ADCY2: variants seen among roughly 807,000 people sequenced by gnomAD.
The protein encoded by ADCY2 is adenylate cyclase 2.
In ADCY2, 31 loss-of-function variants were observed where a neutral mutation model predicts 125.2. The ratio of observed to expected loss-of-function variants is 0.25; its 90% CI spans 0.19 to 0.33. The LOEUF is 0.33. ADCY2 is among the 10% of genes least tolerant of loss of function. The probability of loss-of-function intolerance (pLI) is 1.00; values close to 1 mark genes in which losing one functional copy is unlikely to be tolerated. For missense variants in ADCY2, 904 were observed against 1,418.2 expected, an observed-to-expected ratio of 0.64 and a Z score of 5.82; for synonymous variants, 512 against 548.4, an observed-to-expected ratio of 0.93 and a Z score of 0.93.
intron 7 of ADCY2, among the ~76,000 whole-genome samples, chr5:7,703,217 G>C (rs1395173787): frequency 6.6e-6 from 1 of 152,154 alleles, no homozygotes; most frequent in East Asian, 1.9e-4. Flanking sequence ...TTGCTGTGCA[G>C]AAGCTCTTTA....
chr5:7,510,980 C>T (rs1461717547), intron 2 of ADCY2, among the ~76,000 whole-genome samples: 1 of 152,222 alleles, frequency 6.6e-6, no homozygotes, highest in African/African-American at 2.4e-5. Context: ...GCACCTGACA[C>T]ATGCCCTGGA....
At chr5:7,506,618 A>G (rs191099002) in intron 2 of ADCY2, among the ~76,000 whole-genome samples, 63 of 152,210 alleles carry the variant, frequency 4.1e-4, no homozygotes, top group African/African-American at 1.5e-3. Context: ...GTCCGAGTGT[A>G]TTGTTTTATA....
At chr5:7,731,130 G>C (rs1742090469) in intron 14 of ADCY2, among the ~76,000 whole-genome samples, 1 of 151,884 alleles carries the variant, frequency 6.6e-6, no homozygotes, top group Non-Finnish European at 1.5e-5. Context: ...CCAACATTGA[G>C]ATTATAATCT....
chr5:7,493,288 G>A (rs1467735802), intron 2 of ADCY2, among the ~76,000 whole-genome samples: 1 of 152,140 alleles, frequency 6.6e-6, no homozygotes, highest in Non-Finnish European at 1.5e-5. Flanking sequence ...CCTTCCAAAA[G>A]GTTCTCAGCA....
At chr5:7,660,387 G>A (rs1739486884) in intron 4 of ADCY2, among the ~76,000 whole-genome samples, 1 of 152,104 alleles carries the variant, frequency 6.6e-6, no homozygotes, top group Non-Finnish European at 1.5e-5. Context: ...GGCAGGACAG[G>A]GTTGTTGACT....
At chr5:7,543,592 G>A (rs1485020805) in intron 3 of ADCY2, among the ~76,000 whole-genome samples, 1 of 152,242 alleles carries the variant, frequency 6.6e-6, no homozygotes, top group East Asian at 1.9e-4. Context: ...TTAGGTTGGT[G>A]CAAGAGTAAT....
intron 5 of ADCY2, chr5:7,691,877 C>A: frequency 6.3e-6 from 1 of 159,170 alleles, no homozygotes; most frequent in Non-Finnish European, 1.4e-5. Flanking sequence ...ATAATCACGG[C>A]AGAAGGTGAA....
chr5:7,739,640 C>CTT (rs151209049), intron 14 of ADCY2, among the ~76,000 whole-genome samples: 8,024 of 151,668 alleles, frequency 0.053, 559 homozygotes, highest in African/African-American at 0.16. Context: ...TTGAAAAAGA[C>CTT]TGAAAATTCC....
At chr5:7,402,257 A>T (rs1364766173) in intron 1 of ADCY2, among the ~76,000 whole-genome samples, 6 of 152,200 alleles carry the variant, frequency 3.9e-5, no homozygotes, top group Non-Finnish European at 8.8e-5. Context: ...GTTTGGGAGG[A>T]CAGAAAAGGA....
intron 14 of ADCY2, among the ~76,000 whole-genome samples, chr5:7,738,631 A>T (rs899119968): frequency 6.6e-6 from 1 of 152,066 alleles, no homozygotes; most frequent in Non-Finnish European, 1.5e-5. Flanking sequence ...TATACTCTCT[A>T]CAAGAGATGC....
At chr5:7,773,180 C>A in intron 18 of ADCY2, 79 bp downstream of exon 18, 3 of 1,398,886 alleles carry the variant, frequency 2.1e-6, no homozygotes, top group Non-Finnish European at 2.9e-6. Context: ...TGAGTAAATG[C>A]AAGTTAGCGA....
chr5:7,477,900 G>A (rs537467971), intron 2 of ADCY2, among the ~76,000 whole-genome samples: 63 of 152,160 alleles, frequency 4.1e-4, no homozygotes, highest in African/African-American at 1.5e-3. Context: ...CATTTACCCT[G>A]GTGGCAGTAA....
intron 20 of ADCY2, chr5:7,795,275 C>T (rs1744385394): frequency 6.6e-6 from 1 of 152,248 alleles, no homozygotes; most frequent in Non-Finnish European, 1.5e-5. Context: ...TGTTAGCTAT[C>T]TTTTAAGCAA....
At chr5:7,417,297 G>A (rs1739991759) in intron 2 of ADCY2, among the ~76,000 whole-genome samples, 1 of 152,030 alleles carries the variant, frequency 6.6e-6, no homozygotes, top group Non-Finnish European at 1.5e-5. Context: ...TAATTGGTCG[G>A]TGTTTATATA....
At chr5:7,447,364 A>G (rs897812442) in intron 2 of ADCY2, among the ~76,000 whole-genome samples, 3 of 152,124 alleles carry the variant, frequency 2.0e-5, no homozygotes, top group African/African-American at 4.8e-5. Context: ...GGCTTGCAGC[A>G]TCATCCTGGC....
chr5:7,781,950 C>T (rs1743934930), intron 18 of ADCY2, among the ~76,000 whole-genome samples: 1 of 152,156 alleles, frequency 6.6e-6, no homozygotes, highest in Non-Finnish European at 1.5e-5. Context: ...AGAGAGAAGT[C>T]CTTCAGTAGG....
chr5:7,519,952 T>C (rs926162731), intron 2 of ADCY2, among the ~76,000 whole-genome samples: 6 of 152,226 alleles, frequency 3.9e-5, no homozygotes, highest in African/African-American at 1.2e-4. Flanking sequence ...TAGCATGTTT[T>C]TGAGGTTCCC....
Position 7,766,768 on chromosome 5 carries a change from G to C in ADCY2, c.2176G>C (p.Val726Leu). Residue 726 changes from valine to leucine, a missense_variant, in exon 17 of 25, where the codon GTG (valine) becomes CTG (leucine). Physicochemically the swap from Val to Leu is conservative, Grantham distance 32 (BLOSUM62 1). Around this residue, in one of 7 missense-constraint regions of ADCY2, gnomAD observed 221 missense variants for 246.2 expected, o/e 0.90. Coordinates refer to ENST00000338316, the MANE Select transcript of ADCY2 (RefSeq NM_020546.3). Reference protein sequence around the residue: ...NTSFSASNNQVAILRAQNLFF... With the variant: ...NTSFSASNNQLAILRAQNLFF... ...AAGCTTTTCAGCCTCAAATAATCAG[G>C]TGGCGATTCTGCGTGCGCAGAATTT... 1 of 1,611,524 alleles carries C rather than the reference G, an allele frequency of 6.2e-7. No individual in the cohort carries two copies. The highest frequency in any genetic ancestry group is 8.5e-7 in the Non-Finnish European group (1 of 1,179,436).
chr5:7,594,225 G>T (rs1265047194), intron 3 of ADCY2, among the ~76,000 whole-genome samples: 1 of 152,198 alleles, frequency 6.6e-6, no homozygotes, highest in African/African-American at 2.4e-5. Context: ...AAATCCAGAC[G>T]AGAGGTGATG....
Sources: allele counts gnomAD v4.1 joint callset (sites outside exome capture counted in the v4.1 genomes callset), GRCh38; gene constraint gnomAD v4.1.1; regional missense constraint gnomAD v4.1.1; transcripts MANE v1.5; gene names NCBI Gene and HGNC (gene_info 2026-07-23, HGNC 2026-07-21).